The following RALY variants were observed in gnomAD, a reference collection of about 807,000 sequenced individuals.
RALY encodes RALY heterogeneous nuclear ribonucleoprotein, also known as RNA-binding protein Raly.
A neutral mutation model predicts 30.7 loss-of-function variants in RALY; 15 were observed. The observed-to-expected ratio is 0.49, with a 90% CI of 0.33 to 0.75. RALY has a LOEUF of 0.75. RALY is among the 30% of genes least tolerant of loss of function. The probability of loss-of-function intolerance (pLI) is 0.02; values close to 1 mark genes in which losing one functional copy is unlikely to be tolerated. For synonymous variants in RALY, 177 were observed against 170.8 expected, an observed-to-expected ratio of 1.04 and a Z score of -0.28; for missense variants, 339 against 414.3, an observed-to-expected ratio of 0.82 and a Z score of 1.58.
chr20:34,065,933 A>G (rs1236995202), intron 2 of RALY, among the ~76,000 whole-genome samples: 3 of 152,130 alleles, frequency 2.0e-5, no homozygotes, highest in Non-Finnish European at 1.5e-5. Flanking sequence ...TTTCAGGAGG[A>G]AGAGATTTAG....
chr20:34,025,170 C>A (rs374612408), intron 1 of RALY, among the ~76,000 whole-genome samples: 18 of 152,320 alleles, frequency 1.2e-4, no homozygotes, highest in East Asian at 9.6e-4. Flanking sequence ...AGCCTGGAGC[C>A]ATTAGGCTGA....
At chr20:34,040,611 G>C (rs907963284) in intron 2 of RALY, among the ~76,000 whole-genome samples, 2 of 152,158 alleles carry the variant, frequency 1.3e-5, no homozygotes, top group Non-Finnish European at 2.9e-5. Flanking sequence ...TCAGACTTTT[G>C]CTAGTTTGTC....
At chr20:34,075,835 C>T in intron 5 of RALY, 39 bp from the exon 6 acceptor site, 7 of 1,586,696 alleles carry the variant, frequency 4.4e-6, no homozygotes, top group Non-Finnish European at 6.0e-6. Context: ...CTGGTGGCCA[C>T]AAGCCATGCT....
At chr20:34,026,955 A>G (rs1333197175) in intron 1 of RALY, among the ~76,000 whole-genome samples, 1 of 152,072 alleles carries the variant, frequency 6.6e-6, no homozygotes, top group African/African-American at 2.4e-5. Context: ...TTATTTACTC[A>G]CAGATACTTA....
At chr20:34,006,758 C>T (rs534967317) in intron 1 of RALY, among the ~76,000 whole-genome samples, 126 of 152,280 alleles carry the variant, frequency 8.3e-4, no homozygotes, top group Non-Finnish European at 1.5e-3. Flanking sequence ...ACTATACAGC[C>T]TATGCTATAT....
At chr20:34,018,819 C>T (rs2031706891) in intron 1 of RALY, among the ~76,000 whole-genome samples, 1 of 152,196 alleles carries the variant, frequency 6.6e-6, no homozygotes, top group Non-Finnish European at 1.5e-5. Flanking sequence ...GATGGAGCTC[C>T]TAATGATCCT....
intron 6 of RALY, 113 bp downstream of exon 6, chr20:34,076,153 T>C (rs1324660364): frequency 1.6e-6 from 2 of 1,289,032 alleles, no homozygotes; most frequent in Admixed American, 2.4e-5. Context: ...TCCACAGTTC[T>C]GCTGCTCTAA....
chr20:34,031,257 C>T (rs1428662474), intron 1 of RALY, among the ~76,000 whole-genome samples: 1 of 134,700 alleles, frequency 7.4e-6, no homozygotes, highest in Non-Finnish European at 1.6e-5. Flanking sequence ...GACAGGGTTT[C>T]ACCATGTTGG....
intron 8 of RALY, 119 bp downstream of exon 8, chr20:34,077,364 TC>T (rs1171801711): frequency 5.2e-6 from 8 of 1,544,370 alleles, no homozygotes; most frequent in Non-Finnish European, 7.0e-6. Context: ...GTTCTCTCCT[TC>T]CCAGGGGTTC....
At chr20:34,025,503 C>T (rs1245976441) in intron 1 of RALY, among the ~76,000 whole-genome samples, 3 of 151,902 alleles carry the variant, frequency 2.0e-5, no homozygotes, top group Admixed American at 6.6e-5. Context: ...GGAGTTTAGC[C>T]GTGTTAGCTA....
chr20:34,040,950 G>A (rs552284883), intron 2 of RALY, among the ~76,000 whole-genome samples: 4 of 152,258 alleles, frequency 2.6e-5, no homozygotes, highest in Admixed American at 6.5e-5. Flanking sequence ...AAGAATAGGC[G>A]TTTGGTGCCC....
intron 1 of RALY, among the ~76,000 whole-genome samples, chr20:34,000,579 G>A (rs1005733952): frequency 2.0e-5 from 3 of 152,148 alleles, no homozygotes; most frequent in Admixed American, 2.0e-4. Context: ...TACCTCCTGG[G>A]AGGAAGGAAG....
At chr20:34,018,509 A>G (rs1000431234) in intron 1 of RALY, among the ~76,000 whole-genome samples, 2 of 152,220 alleles carry the variant, frequency 1.3e-5, no homozygotes, top group Non-Finnish European at 2.9e-5. Flanking sequence ...AATCTGTTCA[A>G]AATACCCCTG....
At chr20:34,042,414 C>T (rs1213570105) in intron 2 of RALY, among the ~76,000 whole-genome samples, 2 of 152,128 alleles carry the variant, frequency 1.3e-5, no homozygotes, top group Non-Finnish European at 2.9e-5. Context: ...GCCTGGTGTC[C>T]TTTTTACTAC....
intron 1 of RALY, among the ~76,000 whole-genome samples, chr20:34,009,271 G>T (rs998583615): frequency 6.6e-6 from 1 of 151,678 alleles, no homozygotes; most frequent in African/African-American, 2.4e-5. Context: ...ACGGAGTCTC[G>T]CTCTGTCACC....
intron 1 of RALY, among the ~76,000 whole-genome samples, chr20:33,998,986 C>T (rs1356948387): frequency 2.0e-5 from 3 of 151,506 alleles, no homozygotes; most frequent in Admixed American, 6.6e-5. Flanking sequence ...AAAAATTAGT[C>T]GGGTGTGGTG....
intron 2 of RALY, among the ~76,000 whole-genome samples, chr20:34,057,443 G>A (rs1251978495): frequency 3.3e-5 from 5 of 152,118 alleles, no homozygotes; most frequent in Admixed American, 6.5e-5. Context: ...TGAGGCGGGC[G>A]GATCACGAGG....
chr20:33,996,408 C>T (rs2030632476), intron 1 of RALY, among the ~76,000 whole-genome samples: 2 of 152,142 alleles, frequency 1.3e-5, no homozygotes, highest in Admixed American at 6.5e-5. Flanking sequence ...AAGTACTTAA[C>T]GTGTACCACC....
At chr20:34,074,616 G>T in intron 5 of RALY, among the ~76,000 whole-genome samples, 1 of 152,136 alleles carries the variant, frequency 6.6e-6, no homozygotes, top group East Asian at 1.9e-4. Flanking sequence ...TCTTAGCCTG[G>T]GGGTCAGAAG....
Sources: gnomAD v4.1 joint callset for allele counts (sites outside exome capture counted in the v4.1 genomes callset) on GRCh38, gnomAD v4.1.1 for gene constraint, MANE v1.5 for transcripts, NCBI Gene and HGNC (gene_info 2026-07-23, HGNC 2026-07-21) for gene names.